VASH2: variants seen among roughly 807,000 people sequenced by gnomAD.
VASH2 encodes tubulinyl-Tyr carboxypeptidase 2.
VASH2 carries 28 observed loss-of-function variants against 37.2 expected under a neutral mutation model. That is an observed-to-expected ratio of 0.75 (90% CI 0.56 to 1.03). VASH2 has a LOEUF of 1.03. Among genes scored for constraint, VASH2 ranks in the 50% least tolerant of loss-of-function variants. The pLI is 0.00. For synonymous variants in VASH2, 188 were observed against 174.7 expected, an observed-to-expected ratio of 1.08 and a Z score of -0.60; for missense variants, 419 against 459.1, an observed-to-expected ratio of 0.91 and a Z score of 0.80.
chr1:212,975,742 T>A (rs1367289418), intron 7 of VASH2, among the ~76,000 whole-genome samples: 2 of 152,210 alleles, frequency 1.3e-5, no homozygotes, highest in African/African-American at 2.4e-5. Flanking sequence ...TGATTTATTA[T>A]CTGTTTTGCC....
In VASH2 at chr1:212,972,215, C is replaced by A. The variant is rs1194241009; in HGVS notation, c.498-365C>A. Reference sequence around the variant, plus strand: ...TGAGGAAGGTCAGGGAGGCAAGACACCCAGGAGAGGGGAAGGGATAGTCAT... The same window carrying A: ...TGAGGAAGGTCAGGGAGGCAAGACAACCAGGAGAGGGGAAGGGATAGTCAT... On this transcript the variant is annotated intron_variant, in intron 5 of 7. Transcript: ENST00000517399. Among the ~76,000 whole-genome samples the A allele has an allele frequency of 2.6e-5, 4 of 152,236 alleles. No individual in the cohort carries two copies. The East Asian group carries it at 7.7e-4, about 29-fold the overall frequency.
rs1229832350 is a variant in VASH2 at position 212,968,756 on chromosome 1, A to G, written c.497+2411A>G. 3 of 985,336 alleles carry G rather than the reference A, an allele frequency of 3.0e-6. No homozygotes were observed. The African/African-American group carries it at 5.2e-5, about 17-fold the overall frequency. 61.0% of individuals were successfully genotyped at this position (985,336 alleles called of 1,614,324 possible). ...ACAGCTGTTCAGCGAAGCCTCCTGC[A>G]AGTTTAATGGGGGCAGATGATTGGC... On this transcript the variant is annotated intron_variant, in intron 5 of 7. Coordinates refer to ENST00000517399, the MANE Select transcript of VASH2 (RefSeq NM_001301056.2).
intron 7 of VASH2, among the ~76,000 whole-genome samples, chr1:212,975,518 G>T (rs1185514040): frequency 6.6e-6 from 1 of 152,210 alleles, no homozygotes; most frequent in Non-Finnish European, 1.5e-5. Flanking sequence ...TCCTCCCCGT[G>T]ATGCTGGCCA....
chr1:212,980,202 C>G (rs1667303889), intron 7 of VASH2, among the ~76,000 whole-genome samples: 1 of 152,220 alleles, frequency 6.6e-6, no homozygotes, highest in Admixed American at 6.5e-5. Context: ...CCATTTCTGA[C>G]AGTTCATGAC....
At chr1:212,964,438 A>G (rs560336392) in intron 3 of VASH2, among the ~76,000 whole-genome samples, 2 of 152,192 alleles carry the variant, frequency 1.3e-5, no homozygotes, top group African/African-American at 4.8e-5. Flanking sequence ...CACTTTTCCT[A>G]TAGGCTTTTG....
intron 5 of VASH2, chr1:212,968,111 T>TG: frequency 1.4e-6 from 1 of 702,018 alleles, no homozygotes; most frequent in Non-Finnish European, 1.8e-6. Context: ...AGCTCAGATT[T>TG]GGACATGTGA....
At chr1:212,957,841 C>A (rs190286728) in intron 2 of VASH2, among the ~76,000 whole-genome samples, 93 of 152,282 alleles carry the variant, frequency 6.1e-4, no homozygotes, top group African/African-American at 2.1e-3. Context: ...CTCAAGTGAT[C>A]CACTCACCTT....
intron 6 of VASH2, chr1:212,973,682 A>C: frequency 4.0e-6 from 5 of 1,264,104 alleles, no homozygotes; most frequent in Non-Finnish European, 4.0e-6. Context: ...AGACTGAGGC[A>C]TTGGGCTGTG....
At position 212,951,745 on chromosome 1, in the gene VASH2, T is replaced by A; in HGVS notation, c.203T>A (p.Met68Lys). Residue 68 changes from methionine to lysine, a missense_variant, in exon 2 of 8, where the codon ATG becomes AAG. Met to Lys is a moderately conservative substitution (Grantham distance 95, BLOSUM62 -1). Transcript: ENST00000517399. This position sits in a 1 kb window ranked among gnomAD's most constrained non-coding sequence, Gnocchi z 4.4. Reference protein sequence around the residue: ...IDSHTWERMWMHVAKVHPKGG... With the variant: ...IDSHTWERMWKHVAKVHPKGG... ...AGCCACACCTGGGAGCGCATGTGGA[T>A]GCACGTGGCCAAGGTGCACCCTAAG... The A allele has an allele frequency of 6.2e-7, 1 of 1,608,260 alleles. No individual in the cohort carries two copies.
chr1:212,974,194 G>T (rs148724128), intron 7 of VASH2, 124 bp downstream of exon 7: 11 of 1,241,448 alleles, frequency 8.9e-6, no homozygotes, highest in Admixed American at 2.9e-5. Flanking sequence ...ATCTCCAAGA[G>T]GACTGCCCCT....
At chr1:212,970,979 C>T (rs1666995587) in intron 5 of VASH2, among the ~76,000 whole-genome samples, 1 of 152,124 alleles carries the variant, frequency 6.6e-6, no homozygotes, top group Admixed American at 6.5e-5. Context: ...CCCCTCCAGC[C>T]CCTGCCCACC....
At chr1:212,976,307 A>G (rs1423193063) in intron 7 of VASH2, among the ~76,000 whole-genome samples, 1 of 152,220 alleles carries the variant, frequency 6.6e-6, no homozygotes, top group African/African-American at 2.4e-5. Context: ...ATGGCTGGGC[A>G]TGGTGGTTCA....
At chr1:212,962,783 C>T (rs1666717330) in intron 3 of VASH2, among the ~76,000 whole-genome samples, 1 of 152,176 alleles carries the variant, frequency 6.6e-6, no homozygotes, top group Non-Finnish European at 1.5e-5. Context: ...GGCTGGCAGC[C>T]CTAGCCCTTG....
intron 7 of VASH2, among the ~76,000 whole-genome samples, chr1:212,979,671 G>A (rs571295076): frequency 1.9e-4 from 29 of 152,158 alleles, no homozygotes; most frequent in Non-Finnish European, 4.0e-4. Flanking sequence ...AATCAGCCGA[G>A]GGGGAGGGCA....
At position 212,988,676 on chromosome 1, in the gene VASH2, G is replaced by C; in HGVS notation, c.*92G>C. 2 of 1,292,468 alleles carry C rather than the reference G, an allele frequency of 1.5e-6. No homozygotes were observed. The highest frequency in any genetic ancestry group is 1.2e-5 in the South Asian group (1 of 80,972). The allele number at this position is 1,292,468 out of a possible 1,614,324, so 80.1% of individuals were successfully genotyped here. On this transcript the variant is annotated 3_prime_UTR_variant, in exon 8 of 8. Transcript: ENST00000517399. ...AGGAGGAACTGCAACTATTTATTAA[G>C]AACTTGTGAATTTTATTTTTAAGGA...
At chr1:212,978,236 T>A (rs1181309985) in intron 7 of VASH2, among the ~76,000 whole-genome samples, 1 of 152,178 alleles carries the variant, frequency 6.6e-6, no homozygotes, top group East Asian at 1.9e-4. Flanking sequence ...TCTGACTACT[T>A]TTTCATGCAG....
chr1:212,972,284 G>A (rs1437025326), intron 5 of VASH2, among the ~76,000 whole-genome samples: 4 of 152,164 alleles, frequency 2.6e-5, no homozygotes, highest in African/African-American at 4.8e-5. Flanking sequence ...AGCCCCAGGA[G>A]CAGAGGAAAA....
chr1:212,979,311 C>T (rs1173530284), intron 7 of VASH2, among the ~76,000 whole-genome samples: 1 of 152,240 alleles, frequency 6.6e-6, no homozygotes, highest in Non-Finnish European at 1.5e-5. Context: ...AATCACTCCA[C>T]AAACTCCGGG....
chr1:212,960,081 G>A (rs887649628), intron 2 of VASH2, among the ~76,000 whole-genome samples: 1 of 152,158 alleles, frequency 6.6e-6, no homozygotes, highest in African/African-American at 2.4e-5. Flanking sequence ...ACCCCAAACC[G>A]TGCCTGGCTT....
Sources: gnomAD v4.1 joint callset for allele counts (sites outside exome capture counted in the v4.1 genomes callset) on GRCh38, gnomAD v4.1.1 for gene constraint, Gnocchi (gnomAD v3.1) non-coding constraint, MANE v1.5 for transcripts, NCBI Gene and HGNC (gene_info 2026-07-23, HGNC 2026-07-21) for gene names.